STARD3NL: variants seen among roughly 807,000 people sequenced by gnomAD.
STARD3NL encodes the protein STARD3 N-terminal-like protein.
A neutral mutation model predicts 30.9 loss-of-function variants in STARD3NL; 17 were observed. The ratio of observed to expected loss-of-function variants is 0.55; its 90% CI spans 0.38 to 0.82. STARD3NL has a LOEUF of 0.82. STARD3NL is among the 40% of genes least tolerant of loss of function. STARD3NL has a pLI of 0.00. For synonymous variants in STARD3NL, 112 were observed against 100.5 expected, an observed-to-expected ratio of 1.11 and a Z score of -0.69; for missense variants, 234 against 277.6, an observed-to-expected ratio of 0.84 and a Z score of 1.12.
chr7:38,207,075 A>G (rs758718710), intron 1 of STARD3NL, among the ~76,000 whole-genome samples: 16 of 152,220 alleles, frequency 1.1e-4, no homozygotes, highest in Non-Finnish European at 2.2e-4. Context: ...GCCCATGCAC[A>G]GTTATACTTA....
intron 7 of STARD3NL, among the ~76,000 whole-genome samples, chr7:38,222,533 T>C (rs1186176003): frequency 6.6e-6 from 1 of 152,238 alleles, no homozygotes; most frequent in East Asian, 1.9e-4. Flanking sequence ...CTAAGACTAA[T>C]ACAGGTTCTC....
intron 1 of STARD3NL, among the ~76,000 whole-genome samples, chr7:38,192,751 C>T (rs1784737714): frequency 6.6e-6 from 1 of 152,130 alleles, no homozygotes. Flanking sequence ...AAAAAATGAA[C>T]TAATGCTTAA....
At chr7:38,207,912 T>G (rs1481475857) in intron 2 of STARD3NL, among the ~76,000 whole-genome samples, 183 bp downstream of exon 2, 1 of 152,230 alleles carries the variant, frequency 6.6e-6, no homozygotes, top group Non-Finnish European at 1.5e-5. Context: ...TTAAGGCAAA[T>G]GTGATCAGTT....
intron 2 of STARD3NL, among the ~76,000 whole-genome samples, chr7:38,209,647 T>G (rs1185503340): frequency 6.6e-6 from 1 of 152,172 alleles, no homozygotes; most frequent in Non-Finnish European, 1.5e-5. Flanking sequence ...TAAATTTATT[T>G]TAACGTCAAC....
At chr7:38,221,219 C>A (rs1470267949) in intron 7 of STARD3NL, among the ~76,000 whole-genome samples, 1 of 152,066 alleles carries the variant, frequency 6.6e-6, no homozygotes, top group Non-Finnish European at 1.5e-5. Context: ...TGGTAAAAAA[C>A]CCACTATTTT....
chr7:38,194,354 TAAAG>T (rs1562601370), intron 1 of STARD3NL, among the ~76,000 whole-genome samples: 3 of 152,246 alleles, frequency 2.0e-5, no homozygotes, highest in Admixed American at 1.3e-4. Flanking sequence ...GTTTTTGTTA[TAAAG>T]AGTCACATTT....
At chr7:38,199,276 C>T (rs1014813655) in intron 1 of STARD3NL, among the ~76,000 whole-genome samples, 1 of 152,144 alleles carries the variant, frequency 6.6e-6, no homozygotes, top group African/African-American at 2.4e-5. Flanking sequence ...CTCAGTACCC[C>T]GGATTGAATA....
At chr7:38,212,049 C>A (rs1486260530) in intron 2 of STARD3NL, among the ~76,000 whole-genome samples, 1 of 152,202 alleles carries the variant, frequency 6.6e-6, no homozygotes, top group Non-Finnish European at 1.5e-5. Context: ...AACTGCACTC[C>A]TGGCTGGTCG....
At chr7:38,190,160 A>G (rs1025033584) in intron 1 of STARD3NL, among the ~76,000 whole-genome samples, 2 of 152,220 alleles carry the variant, frequency 1.3e-5, no homozygotes, top group African/African-American at 2.4e-5. Context: ...TAATGGGCAG[A>G]TAGCATATGC....
At chr7:38,193,897 A>G (rs961602338) in intron 1 of STARD3NL, among the ~76,000 whole-genome samples, 24 of 152,146 alleles carry the variant, frequency 1.6e-4, no homozygotes, top group African/African-American at 5.3e-4. Context: ...GTGTTGTTAC[A>G]TGTTCTTGTT....
chr7:38,190,542 C>T (rs184338445), intron 1 of STARD3NL, among the ~76,000 whole-genome samples: 53 of 152,250 alleles, frequency 3.5e-4, no homozygotes, highest in East Asian at 1.9e-4. Context: ...TACGTTTTTC[C>T]GAATGAATCA....
At chr7:38,206,065 C>A (rs991446944) in intron 1 of STARD3NL, among the ~76,000 whole-genome samples, 3 of 152,100 alleles carry the variant, frequency 2.0e-5, no homozygotes, top group African/African-American at 7.2e-5. Flanking sequence ...GACTTTTGTT[C>A]CTGAGTGTGG....
chr7:38,217,434 T>C lies in STARD3NL; in HGVS notation c.553+129T>C, dbSNP rs1232042748. The C allele has an allele frequency of 1.5e-5, 12 of 784,746 alleles. No homozygotes were observed. The East Asian group carries it at 2.2e-4, about 15-fold the overall frequency. The allele number at this position is 784,746 out of a possible 1,614,324, so 48.6% of individuals were successfully genotyped here. A position where few individuals can be genotyped will look rare whatever the true frequency, so the allele number is the denominator to read the frequency against. On this transcript the variant is annotated intron_variant, in intron 6 of 8. Coordinates refer to ENST00000009041, the MANE Select transcript of STARD3NL (RefSeq NM_032016.4). ...AGGCAGTGGTGGGGTCTTCATTCTT[T>C]AGTGGCTACAGCAGAAATCGAGAGA...
intron 1 of STARD3NL, among the ~76,000 whole-genome samples, chr7:38,204,259 A>G (rs1785331820): frequency 6.6e-6 from 1 of 152,232 alleles, no homozygotes; most frequent in African/African-American, 2.4e-5. Flanking sequence ...AGCAAATGTA[A>G]AAGAAGAGAA....
intron 1 of STARD3NL, among the ~76,000 whole-genome samples, chr7:38,188,391 C>T (rs1239363694): frequency 1.3e-5 from 2 of 152,196 alleles, no homozygotes; most frequent in East Asian, 3.9e-4. Flanking sequence ...TCTCCCTTAT[C>T]TCCTAGTCGT....
chr7:38,224,104 G>A (rs1051010894), intron 7 of STARD3NL, among the ~76,000 whole-genome samples: 1 of 151,654 alleles, frequency 6.6e-6, no homozygotes, highest in African/African-American at 2.4e-5. Context: ...AAGGTTTGAG[G>A]ACCAACCATG....
In STARD3NL at chr7:38,219,747, A is replaced by G. The variant is rs538028956; in HGVS notation, c.649+87A>G. 79 of 1,129,840 alleles carry G rather than the reference A, an allele frequency of 7.0e-5. 1 individual carries two copies. The African/African-American group carries it at 7.3e-4, about 10-fold the overall frequency. 70.0% of individuals were successfully genotyped at this position (1,129,840 alleles called of 1,614,324 possible). A position where few individuals can be genotyped will look rare whatever the true frequency, so the allele number is the denominator to read the frequency against. Reference sequence around the variant, plus strand: ...CTTTCCCTACCCCCTCTGTTTCTCAATATACTTAGCTAACATCTAACATGC... The same window carrying G: ...CTTTCCCTACCCCCTCTGTTTCTCAGTATACTTAGCTAACATCTAACATGC... On this transcript the variant is annotated intron_variant, in intron 7 of 8. Coordinates refer to ENST00000009041, the MANE Select transcript of STARD3NL (RefSeq NM_032016.4).
At chr7:38,228,586 T>G (rs1357942264) in intron 7 of STARD3NL, among the ~76,000 whole-genome samples, 1 of 152,204 alleles carries the variant, frequency 6.6e-6, no homozygotes. Context: ...TTTGACAGAT[T>G]AGTGTAAGTG....
At chr7:38,187,300 A>G (rs1231317789) in intron 1 of STARD3NL, among the ~76,000 whole-genome samples, 1 of 152,212 alleles carries the variant, frequency 6.6e-6, no homozygotes, top group Non-Finnish European at 1.5e-5. Flanking sequence ...ATACATTGTC[A>G]AATGCCTTTC....
Sources: allele counts gnomAD v4.1 joint callset (sites outside exome capture counted in the v4.1 genomes callset), GRCh38; gene constraint gnomAD v4.1.1; transcripts MANE v1.5; gene names NCBI Gene and HGNC (gene_info 2026-07-23, HGNC 2026-07-21).